Variants in AFF3 observed in about 807,000 individuals in gnomAD.
AFF3 encodes the protein AF4/FMR2 family member 3.
AFF3 carries 32 observed loss-of-function variants against 129.7 expected under a neutral mutation model. The ratio of observed to expected loss-of-function variants is 0.25; its 90% CI spans 0.19 to 0.33. The LOEUF is 0.33. Among genes scored for constraint, AFF3 ranks in the 10% least tolerant of loss-of-function variants. The pLI is 1.00. For missense variants in AFF3, 1,373 were observed against 1,592.0 expected, an observed-to-expected ratio of 0.86 and a Z score of 2.34; for synonymous variants, 644 against 635.4, an observed-to-expected ratio of 1.01 and a Z score of -0.20.
chr2:99,624,898 C>T (rs957497558), intron 13 of AFF3, among the ~76,000 whole-genome samples: 1 of 152,196 alleles, frequency 6.6e-6, no homozygotes, highest in African/African-American at 2.4e-5. Flanking sequence ...CAGATGCCTC[C>T]GACCTGCATA....
intron 7 of AFF3, among the ~76,000 whole-genome samples, chr2:99,873,119 A>T (rs1354972939): frequency 6.6e-6 from 1 of 152,254 alleles, no homozygotes; most frequent in Non-Finnish European, 1.5e-5. Flanking sequence ...CTGAACAGGC[A>T]GAAGCGCCTT....
intron 8 of AFF3, among the ~76,000 whole-genome samples, chr2:99,835,721 T>C (rs974647339): frequency 3.3e-5 from 5 of 152,164 alleles, no homozygotes; most frequent in African/African-American, 1.2e-4. Context: ...TGGAGCTCAG[T>C]TGCCTCCTAA....
intron 7 of AFF3, among the ~76,000 whole-genome samples, chr2:99,896,671 T>C (rs1172974642): frequency 1.6e-5 from 2 of 125,328 alleles, no homozygotes; most frequent in Admixed American, 9.0e-5. Context: ...AGTCTCACTC[T>C]GTCACCCAGG....
intron 11 of AFF3, among the ~76,000 whole-genome samples, chr2:99,687,441 G>A (rs559029514): frequency 1.3e-5 from 2 of 152,296 alleles, no homozygotes; most frequent in African/African-American, 4.8e-5. Flanking sequence ...GGTGGGTAAT[G>A]GGAGTGAGTG....
At chr2:100,140,969 C>A (rs1692845188) in intron 1 of AFF3, among the ~76,000 whole-genome samples, 1 of 142,730 alleles carries the variant, frequency 7.0e-6, no homozygotes, top group Non-Finnish European at 1.5e-5. Flanking sequence ...CTTAATTGTA[C>A]AAAAGGTAGT....
intron 2 of AFF3, among the ~76,000 whole-genome samples, chr2:100,125,788 C>G (rs771517421): frequency 6.6e-6 from 1 of 151,976 alleles, no homozygotes; most frequent in Non-Finnish European, 1.5e-5. Flanking sequence ...TGTGGAGACT[C>G]CAAGTGGAAG....
chr2:99,750,121 A>G (rs977904608), intron 9 of AFF3, among the ~76,000 whole-genome samples: 4 of 152,230 alleles, frequency 2.6e-5, no homozygotes, highest in Non-Finnish European at 4.4e-5. Context: ...ACACTTTGCT[A>G]GTGTAAAAGC....
chr2:99,899,146 G>C (rs1369092070), intron 7 of AFF3, among the ~76,000 whole-genome samples: 5 of 152,170 alleles, frequency 3.3e-5, no homozygotes, highest in Non-Finnish European at 5.9e-5. Flanking sequence ...ATACTGAATA[G>C]ATAAGAAAAC....
At chr2:99,774,302 G>C (rs1683721574) in intron 8 of AFF3, among the ~76,000 whole-genome samples, 1 of 152,070 alleles carries the variant, frequency 6.6e-6, no homozygotes, top group African/African-American at 2.4e-5. Context: ...TAAGCAAAAA[G>C]AATAAAGCTG....
At chr2:100,106,520 A>G in intron 2 of AFF3, 1 of 1,001,532 alleles carries the variant, frequency 1.0e-6, no homozygotes, top group South Asian at 4.3e-5. Context: ...CGAAAGTGAG[A>G]TCGAGACATT....
intron 4 of AFF3, among the ~76,000 whole-genome samples, chr2:100,074,124 A>G (rs1414098237): frequency 6.6e-6 from 1 of 152,164 alleles, no homozygotes; most frequent in African/African-American, 2.4e-5. Flanking sequence ...CCTTGTGTGC[A>G]TCCGTCAGGT....
intron 8 of AFF3, among the ~76,000 whole-genome samples, chr2:99,801,517 C>T (rs967901492): frequency 1.2e-4 from 18 of 152,098 alleles, no homozygotes; most frequent in African/African-American, 4.3e-4. Flanking sequence ...CAAGGTAACC[C>T]GCAGACCAAG....
chr2:99,838,525 G>T (rs1424126391), intron 7 of AFF3, among the ~76,000 whole-genome samples: 3 of 152,118 alleles, frequency 2.0e-5, no homozygotes, highest in Non-Finnish European at 4.4e-5. Context: ...CTTATCCACA[G>T]CTTCCTCCGA....
chr2:99,993,462 G>A (rs1680541980), intron 7 of AFF3, among the ~76,000 whole-genome samples: 1 of 151,792 alleles, frequency 6.6e-6, no homozygotes, highest in South Asian at 2.1e-4. Flanking sequence ...TCATTGGGGG[G>A]CATAAGTTTA....
At chr2:99,807,000 C>T (rs2105551495) in intron 8 of AFF3, among the ~76,000 whole-genome samples, 1 of 152,326 alleles carries the variant, frequency 6.6e-6, no homozygotes, top group African/African-American at 2.4e-5. Context: ...TCAGCTGAGG[C>T]TTTTGCAGAA....
rs894669084 is a variant in AFF3 at position 99,601,534 on chromosome 2, G to A, written c.1272C>T (p.Ser424=). Residue 424 remains serine, a synonymous_variant, in exon 14 of 25, where the codon TCC becomes TCT. Coordinates refer to ENST00000672756, the MANE Select transcript of AFF3 (RefSeq NM_001386135.1). ...CGGAGCTGCTCTCTGAGTCGCTGGA[G>A]GAGCTGCTGCTGCCGCTGCTGCTGC... ...SSSSSSGSSS[S]SSDSESSSGS... 24 of 1,603,928 alleles carry A rather than the reference G, an allele frequency of 1.5e-5. No individual in the cohort carries two copies. Among genetic ancestry groups the A allele is most frequent in the Non-Finnish European group, 2.0e-5 (23 of 1,176,620 alleles).
chr2:99,608,741 AT>A (rs201416916), intron 13 of AFF3, among the ~76,000 whole-genome samples: 1 of 151,912 alleles, frequency 6.6e-6, no homozygotes, highest in Non-Finnish European at 1.5e-5. Context: ...AAATCTTTTG[AT>A]TTTTTTTCAC....
chr2:100,008,994 T>C (rs1682253113), intron 4 of AFF3, 62 bp from the exon 5 acceptor site: 2 of 1,584,908 alleles, frequency 1.3e-6, no homozygotes, highest in South Asian at 2.3e-5. Flanking sequence ...AAGCCCAATG[T>C]AACACTTGTG....
chr2:99,789,054 A>G (rs1685009215), intron 8 of AFF3, among the ~76,000 whole-genome samples: 1 of 152,212 alleles, frequency 6.6e-6, no homozygotes, highest in South Asian at 2.1e-4. Context: ...AAATGGCCTA[A>G]CGACACATTT....
Sources: allele counts gnomAD v4.1 joint callset (sites outside exome capture counted in the v4.1 genomes callset), GRCh38; gene constraint gnomAD v4.1.1; transcripts MANE v1.5; gene names NCBI Gene and HGNC (gene_info 2026-07-23, HGNC 2026-07-21).